XKR4: variants seen among roughly 807,000 people sequenced by gnomAD.
The protein encoded by XKR4 is XK related 4, also known as XK-related protein 4.
Under a neutral mutation model 53.9 loss-of-function variants are expected in XKR4, and 12 were observed. The ratio of observed to expected loss-of-function variants is 0.22; its 90% CI spans 0.14 to 0.36. XKR4 has a LOEUF of 0.36. Ranked by LOEUF, XKR4 falls within the 10% of genes least tolerant of loss-of-function variation. The pLI is 1.00. For synonymous variants in XKR4, 354 were observed against 362.4 expected, an observed-to-expected ratio of 0.98 and a Z score of 0.26; for missense variants, 799 against 859.5, an observed-to-expected ratio of 0.93 and a Z score of 0.88.
intron 2 of XKR4, among the ~76,000 whole-genome samples, chr8:55,447,376 G>A (rs868334491): frequency 2.6e-5 from 4 of 152,178 alleles, no homozygotes; most frequent in Non-Finnish European, 4.4e-5. Flanking sequence ...GCTCTTGGTA[G>A]ATGGACACTA....
chr8:55,332,911 CT>C (rs1379711016), intron 1 of XKR4, among the ~76,000 whole-genome samples: 3 of 150,718 alleles, frequency 2.0e-5, no homozygotes, highest in South Asian at 2.1e-4. Flanking sequence ...GCTCTATTTA[CT>C]TTTTTTCTTC....
intron 2 of XKR4, among the ~76,000 whole-genome samples, chr8:55,363,214 G>C (rs1803928419): frequency 6.6e-6 from 1 of 152,176 alleles, no homozygotes; most frequent in Admixed American, 6.5e-5. Context: ...TGCTGAGTGA[G>C]TTACCAACAA....
At chr8:55,477,982 C>T (rs1806027446) in intron 2 of XKR4, among the ~76,000 whole-genome samples, 1 of 152,142 alleles carries the variant, frequency 6.6e-6, no homozygotes, top group South Asian at 2.1e-4. Flanking sequence ...AAACACCATG[C>T]AGGATATTAT....
At chr8:55,221,605 A>C (rs766528085) in intron 1 of XKR4, among the ~76,000 whole-genome samples, 1 of 152,118 alleles carries the variant, frequency 6.6e-6, no homozygotes, top group Non-Finnish European at 1.5e-5. Context: ...CCCTCTTTGC[A>C]TTGGCACTAT....
chr8:55,446,162 G>GA (rs34367747), intron 2 of XKR4, among the ~76,000 whole-genome samples: 42,714 of 151,980 alleles, frequency 0.28, 6,233 homozygotes, highest in Non-Finnish European at 0.33. Flanking sequence ...CAGGAAGGCA[G>GA]AAAAAATCTA....
chr8:55,256,595 A>G (rs1433890949), intron 1 of XKR4, among the ~76,000 whole-genome samples: 1 of 152,206 alleles, frequency 6.6e-6, no homozygotes. Context: ...ACTAGATGTA[A>G]GGGTATTTTC....
At chr8:55,364,635 G>GTTTT (rs367829570) in intron 2 of XKR4, among the ~76,000 whole-genome samples, 2 of 151,608 alleles carry the variant, frequency 1.3e-5, no homozygotes, top group African/African-American at 4.9e-5. Context: ...TTTTGTTGGG[G>GTTTT]TTTTTTTTGT....
At chr8:55,256,128 G>C (rs1417941695) in intron 1 of XKR4, among the ~76,000 whole-genome samples, 2 of 151,986 alleles carry the variant, frequency 1.3e-5, no homozygotes, top group Admixed American at 6.6e-5. Flanking sequence ...CAGGGTAAAA[G>C]TATTCCAGGA....
At chr8:55,509,742 G>T (rs1806597307) in intron 2 of XKR4, among the ~76,000 whole-genome samples, 1 of 152,150 alleles carries the variant, frequency 6.6e-6, no homozygotes, top group South Asian at 2.1e-4. Flanking sequence ...GTTTCTAAAG[G>T]CTGCCAAAGT....
intron 1 of XKR4, among the ~76,000 whole-genome samples, chr8:55,131,753 C>CTTT (rs56682340): frequency 2.0e-5 from 3 of 149,382 alleles, no homozygotes; most frequent in African/African-American, 7.4e-5. Context: ...TGTTTCTTTT[C>CTTT]TTTTTTTTTT....
rs142298640 is a variant in XKR4, at chr8:55,441,270, A to C, written c.1007-82011A>C. Among the ~76,000 whole-genome samples, 270 of 152,142 alleles carry C rather than the reference A, an allele frequency of 1.8e-3. 2 individuals are homozygous for C. The highest frequency in any genetic ancestry group is 6.0e-3 in the African/African-American group (249 of 41,518). Reference sequence around the variant, plus strand: ...AAAACATAAAAAAATAAAGTACAGCACATTGTCAGTGATAGAAGGTAATTA... The same window carrying C: ...AAAACATAAAAAAATAAAGTACAGCCCATTGTCAGTGATAGAAGGTAATTA... On this transcript the variant is annotated intron_variant, in intron 2 of 2. Transcript: ENST00000327381.
chr8:55,329,756 T>C (rs1177265367), intron 1 of XKR4, among the ~76,000 whole-genome samples: 1 of 152,178 alleles, frequency 6.6e-6, no homozygotes, highest in Non-Finnish European at 1.5e-5. Flanking sequence ...ATAAATCCTA[T>C]TGTTTTATCA....
rs142270178 is a variant in XKR4 at position 55,376,720 on chromosome 8, A to G, written c.1006+18843A>G. ...GCTCATCTGTATCATATGTGTGGAG[A>G]TATTTCCTACAGTTCTGGGAAAGTA... On this transcript the variant is annotated intron_variant, in intron 2 of 2. Coordinates refer to ENST00000327381, the MANE Select transcript of XKR4 (RefSeq NM_052898.2). Among the ~76,000 whole-genome samples the G allele has an allele frequency of 6.5e-3, 988 of 152,250 alleles. 13 individuals carry two copies. The highest frequency in any genetic ancestry group is 5.2e-3 in the Non-Finnish European group (355 of 68,020).
chr8:55,321,907 C>T lies in XKR4; in HGVS notation c.807-35771C>T, dbSNP rs1215755205. Among the ~76,000 whole-genome samples the T allele has an allele frequency of 5.3e-5, 8 of 152,084 alleles. No individual in the cohort carries two copies. In the South Asian group the frequency reaches 1.0e-3, roughly 20 times the overall value. On this transcript the variant is annotated intron_variant, in intron 1 of 2. Coordinates refer to ENST00000327381, the MANE Select transcript of XKR4 (RefSeq NM_052898.2). ...GAGAGGCTGAGGCAGGAGAATCTCTCGAACACAGGAGGCGGAGGTTGCAGC... is the reference window on the plus strand; with the variant it reads ...GAGAGGCTGAGGCAGGAGAATCTCTTGAACACAGGAGGCGGAGGTTGCAGC...
At chr8:55,244,428 T>C (rs1818254552) in intron 1 of XKR4, among the ~76,000 whole-genome samples, 1 of 152,232 alleles carries the variant, frequency 6.6e-6, no homozygotes, top group African/African-American at 2.4e-5. Flanking sequence ...TAGCATTCCA[T>C]GGTGTATATG....
At chr8:55,312,975 G>A (rs1819408843) in intron 1 of XKR4, among the ~76,000 whole-genome samples, 1 of 152,088 alleles carries the variant, frequency 6.6e-6, no homozygotes, top group South Asian at 2.1e-4. Flanking sequence ...CATTTGATTA[G>A]TTTTTTCTTA....
intron 1 of XKR4, among the ~76,000 whole-genome samples, chr8:55,299,964 C>T (rs117399146): frequency 0.033 from 4,970 of 152,122 alleles, 117 homozygotes; most frequent in Non-Finnish European, 0.053. Context: ...GCTGGAGGAG[C>T]TCCCCAGGAG....
chr8:55,386,887 A>T (rs1804326241), intron 2 of XKR4, among the ~76,000 whole-genome samples: 1 of 152,260 alleles, frequency 6.6e-6, no homozygotes, highest in Non-Finnish European at 1.5e-5. Context: ...CTTCTAAAAA[A>T]TCCAGATCTG....
intron 1 of XKR4, among the ~76,000 whole-genome samples, chr8:55,247,918 C>T (rs1179600913): frequency 3.1e-5 from 4 of 130,876 alleles, no homozygotes; most frequent in East Asian, 4.3e-4. Context: ...TGCAGTGGCA[C>T]AGTCTCGGCT....
Sources: allele counts gnomAD v4.1 joint callset (sites outside exome capture counted in the v4.1 genomes callset), GRCh38; gene constraint gnomAD v4.1.1; transcripts MANE v1.5; gene names NCBI Gene and HGNC (gene_info 2026-07-23, HGNC 2026-07-21).